Variants in CROCC observed in about 807,000 individuals in gnomAD.
CROCC encodes ciliary rootlet coiled-coil, rootletin.
Under a neutral mutation model 245.2 loss-of-function variants are expected in CROCC, and 180 were observed. That is an observed-to-expected ratio of 0.73 (90% CI 0.65 to 0.83). The LOEUF is 0.83. CROCC is among the 40% of genes least tolerant of loss of function. CROCC has a pLI of 0.00. For missense variants in CROCC, 2,688 were observed against 2,779.4 expected, an observed-to-expected ratio of 0.97 and a Z score of 0.74; for synonymous variants, 1,205 against 1,241.6, an observed-to-expected ratio of 0.97 and a Z score of 0.62.
chr1:16,952,023 C>T (rs1262661543), intron 20 of CROCC: 3 of 142,016 alleles, frequency 2.1e-5, no homozygotes, highest in Non-Finnish European at 4.6e-5. Context: ...TCCTGAGTAG[C>T]TGGGATTATA....
intron 12 of CROCC, 75 bp downstream of exon 12, chr1:16,939,217 G>GGGCGA: frequency 1.7e-6 from 2 of 1,195,652 alleles, no homozygotes; most frequent in Non-Finnish European, 2.2e-6. Context: ...GGTGGGGGCG[G>GGGCGA]GGGCGGGGGC....
rs746244135 is a variant in CROCC, at chr1:16,939,000, G to C, written c.1466G>C (p.Gly489Ala). 14 of 1,604,026 alleles carry C rather than the reference G, an allele frequency of 8.7e-6. No homozygotes were observed. Among genetic ancestry groups the C allele is most frequent in the African/African-American group, 1.3e-5 (1 of 74,404 alleles). ...ASNGSLRGLS[G>A]QRTPSPPRRS... ...AACGGCAGCCTGCGGGGGCTCTCGG[G>C]CCAGCGGACCCCGTCCCCACCGCGG... Residue 489 changes from glycine (G) to alanine (A), a missense_variant, in exon 12 of 37, where the codon GGC becomes GCC. By Grantham distance (60) the Gly-to-Ala change is moderately conservative. Coordinates refer to ENST00000375541, the MANE Select transcript of CROCC (RefSeq NM_014675.5).
Position 16,965,802 on chromosome 1 carries a change from C to T in CROCC, c.4485C>T (p.Thr1495=), listed in dbSNP as rs1426938174. The T allele has an allele frequency of 6.2e-7, 1 of 1,613,660 alleles. No individual in the cohort carries two copies. Among genetic ancestry groups the T allele is most frequent in the Non-Finnish European group, 8.5e-7 (1 of 1,180,040 alleles). ...GSQPPSPGPA[T]SPASPDLDPE... is the part of the protein sequence containing the mutation. Reference sequence around the variant, plus strand: ...AGCCACCATCTCCAGGACCTGCCACCTCCCCAGCCTCTCCAGACCTGGACC... The same window carrying T: ...AGCCACCATCTCCAGGACCTGCCACTTCCCCAGCCTCTCCAGACCTGGACC... The change falls in exon 28 of 37, where the codon ACC becomes ACT. Residue 1495 remains threonine, a synonymous_variant. Coordinates refer to ENST00000375541, the MANE Select transcript of CROCC (RefSeq NM_014675.5).
At chr1:16,916,830 ACT>A (rs2100286672) in intron 1 of CROCC, among the ~76,000 whole-genome samples, 1 of 152,156 alleles carries the variant, frequency 6.6e-6, no homozygotes, top group East Asian at 1.9e-4. Context: ...ATTATTTAAA[ACT>A]CTGGGCTGGG....
Position 16,946,940 on chromosome 1 carries a change from G to C in CROCC, c.2463G>C (p.Gln821His), listed in dbSNP as rs971922768. 1 of 1,560,828 alleles carries C rather than the reference G, an allele frequency of 6.4e-7. No homozygotes were observed. Among genetic ancestry groups the C allele is most frequent in the African/African-American group, 1.4e-5 (1 of 73,770 alleles). Reference protein sequence around the residue: ...AEQAQEALEQQLPTLRHERSQ... With the variant: ...AEQAQEALEQHLPTLRHERSQ... The stretch of plus-strand genomic sequence containing the variant: ...AGGCCCAGGAGGCATTGGAGCAGCA[G>C]CTCCCCACGCTGCGCCATGAGCGCA... The change falls in exon 17 of 37, where the codon CAG becomes CAC. Residue 821 changes from glutamine to histidine, a missense_variant. By Grantham distance (24) the Gln-to-His change is conservative. Transcript: ENST00000375541.
At position 16,931,416 on chromosome 1, in the gene CROCC, C is replaced by T. The variant is rs371439028; in HGVS notation, c.956+19C>T. ...CTGAGAGGTGAGGCCTGGCCGGGGA[C>T]GGGGCAGCAGCTGAGAGCCAGCCCT... On this transcript the variant is annotated intron_variant, in intron 8 of 36. Transcript: ENST00000375541. The T allele has an allele frequency of 1.5e-4, 246 of 1,598,896 alleles. No individual in the cohort carries two copies. The highest frequency in any genetic ancestry group is 1.9e-4 in the Non-Finnish European group (223 of 1,168,006).
Position 16,969,772 on chromosome 1 carries a change from C to G in CROCC, c.5302-13C>G. ...CCCAGGCCAGCCAGGCACCATCAGC[C>G]CCTGTCCCCCAGGAACGGCTGGATG... On this transcript the variant is annotated splice_polypyrimidine_tract_variant and intron_variant, in intron 32 of 36. Transcript: ENST00000375541. 1.2e-6 allele frequency: 2 copies of G among 1,610,452 alleles called. No homozygotes were observed. Among genetic ancestry groups the G allele is most frequent in the Non-Finnish European group, 1.7e-6 (2 of 1,178,460 alleles).
intron 13 of CROCC, chr1:16,941,424 CA>C (rs954884941): frequency 5.3e-5 from 8 of 150,170 alleles, no homozygotes; most frequent in Non-Finnish European, 7.4e-5. Flanking sequence ...GACTCCATCT[CA>C]AAAAAAAAAT....
chr1:16,971,072 C>T (rs143030959), intron 35 of CROCC: 9 of 442,732 alleles, frequency 2.0e-5, no homozygotes, highest in Admixed American at 3.9e-5. Flanking sequence ...TGTGGCGTGT[C>T]TAGGTATTAT....
chr1:16,960,613 C>A, intron 26 of CROCC, 145 bp from the exon 27 acceptor site: 1 of 1,148,692 alleles, frequency 8.7e-7, no homozygotes, highest in Non-Finnish European at 1.1e-6. Flanking sequence ...TGTTTTTGCA[C>A]CGCCTGCTTG....
At chr1:16,967,080 A>T (rs2076430796) in intron 30 of CROCC, among the ~76,000 whole-genome samples, 1 of 152,030 alleles carries the variant, frequency 6.6e-6, no homozygotes, top group Admixed American at 6.6e-5. Context: ...GAAGAAGAAG[A>T]AGAAAAGAAA....
Position 16,940,113 on chromosome 1 carries a change from T to TG in CROCC, c.1808+26dup. The TG allele has an allele frequency of 4.4e-6, 7 of 1,576,794 alleles. No individual in the cohort carries two copies. The highest frequency in any genetic ancestry group is 4.3e-6 in the Non-Finnish European group (5 of 1,164,288). On this transcript the variant is annotated intron_variant, in intron 13 of 36. Transcript: ENST00000375541. ...GAGCAGGTGCCGGGGAGGTCTGAGC[T>TG]GGGGGGTACTGAAGAATAAGTCACC...
chr1:16,970,077 T>A, intron 33 of CROCC, 143 bp downstream of exon 33: 1 of 1,249,838 alleles, frequency 8.0e-7, no homozygotes, highest in Non-Finnish European at 1.1e-6. Context: ...AGCATAGTCC[T>A]GTTATACAGA....
rs1391829515 is a variant in CROCC, at chr1:16,939,937, C to A, written c.1652C>A (p.Thr551Asn). 1.2e-6 allele frequency: 2 copies of A among 1,612,640 alleles called. No individual in the cohort carries two copies. The highest frequency in any genetic ancestry group is 4.5e-5 in the East Asian group (2 of 44,906). ...RYEASQDLLG[T>N]LRKQLSDSES... is the part of the protein sequence containing the mutation. ...GAGGCAAGCCAGGACCTACTGGGCA[C>A]CCTGCGGAAGCAGCTTAGCGACAGC... Residue 551 changes from threonine to asparagine, a missense_variant, in exon 13 of 37, where the codon ACC becomes AAC. Transcript: ENST00000375541.
chr1:16,955,892 C>T lies in CROCC; in HGVS notation c.3705-105C>T. Reference sequence around the variant, plus strand: ...TAGCTCTTCAGAGAGGCCACATGGGCAGGCAGTGCCTGATCCACTCCAGAA... The same window carrying T: ...TAGCTCTTCAGAGAGGCCACATGGGTAGGCAGTGCCTGATCCACTCCAGAA... On this transcript the variant is annotated intron_variant, in intron 24 of 36. Coordinates refer to ENST00000375541, the MANE Select transcript of CROCC (RefSeq NM_014675.5). 4.3e-6 allele frequency: 6 copies of T among 1,380,338 alleles called. No individual in the cohort carries two copies. In the South Asian group the frequency reaches 7.8e-5, roughly 18 times the overall value. 85.5% of individuals were successfully genotyped at this position (1,380,338 alleles called of 1,614,324 possible).
At position 16,968,424 on chromosome 1, in the gene CROCC, C is replaced by A; in HGVS notation, c.5076+6C>A. On this transcript the variant is annotated splice_donor_region_variant and intron_variant, in intron 31 of 36. Transcript: ENST00000375541. ...TGGATTCCCTGCAGAGACAGGTGGG[C>A]CCCTCCCCAAATCACAGCCACAGTG... is the stretch of plus-strand genomic sequence containing the variant. 6.8e-7 allele frequency: 1 copy of A among 1,470,470 alleles called. No homozygotes were observed. Among genetic ancestry groups the A allele is most frequent in the Non-Finnish European group, 9.0e-7 (1 of 1,111,298 alleles). 91.1% of individuals were successfully genotyped at this position (1,470,470 alleles called of 1,614,324 possible). A position where few individuals can be genotyped will look rare whatever the true frequency, so the allele number is the denominator to read the frequency against.
chr1:16,965,984 A>G lies in CROCC; in HGVS notation c.4576-15A>G, dbSNP rs2076410408. On this transcript the variant is annotated splice_polypyrimidine_tract_variant and intron_variant, in intron 28 of 36. Coordinates refer to ENST00000375541, the MANE Select transcript of CROCC (RefSeq NM_014675.5). ...AGCAGGGGTCTGTCTTTGTTCCCCC[A>G]TGTCGGGGCTACAGGACGAACTTCG... The G allele has an allele frequency of 1.2e-6, 2 of 1,610,152 alleles. No individual in the cohort carries two copies. Among genetic ancestry groups the G allele is most frequent in the Middle Eastern group, 1.7e-4 (1 of 6,050 alleles).
chr1:16,918,425 G>C (rs2075334864), upstream of CROCC, among the ~76,000 whole-genome samples: 1 of 151,552 alleles, frequency 6.6e-6, no homozygotes, highest in Non-Finnish European at 1.5e-5. Flanking sequence ...TTTGGGGATG[G>C]AGCCAAGGGT....
chr1:16,936,953 T>C, intron 9 of CROCC, 80 bp downstream of exon 9: 1 of 1,410,448 alleles, frequency 7.1e-7, no homozygotes, highest in Middle Eastern at 2.5e-4. Flanking sequence ...AGGGAGCATC[T>C]GTTCACTAGG....
Sources: gnomAD v4.1 joint callset for allele counts (sites outside exome capture counted in the v4.1 genomes callset) on GRCh38, gnomAD v4.1.1 for gene constraint, MANE v1.5 for transcripts, NCBI Gene and HGNC (gene_info 2026-07-23, HGNC 2026-07-21) for gene names.